CFAP92: variants seen among roughly 807,000 people sequenced by gnomAD.
CFAP92 encodes uncharacterized protein CFAP92.
A neutral mutation model predicts 106.3 loss-of-function variants in CFAP92; 86 were observed. The observed-to-expected ratio is 0.81, with a 90% CI of 0.68 to 0.97. The LOEUF (loss-of-function observed/expected upper bound fraction) is 0.97, where lower values mean the gene tolerates loss of function less well. CFAP92 is among the 50% of genes least tolerant of loss of function. The pLI is 0.00. For missense variants in CFAP92, 1,204 were observed against 1,283.8 expected, an observed-to-expected ratio of 0.94 and a Z score of 0.95; for synonymous variants, 477 against 506.4, an observed-to-expected ratio of 0.94 and a Z score of 0.78.
chr3:128,924,167 C>A (rs931816775), intron 12 of CFAP92, among the ~76,000 whole-genome samples: 7 of 152,094 alleles, frequency 4.6e-5, no homozygotes, highest in Non-Finnish European at 1.0e-4. Context: ...GCAGGACTTG[C>A]ATGTCTGATA....
At position 128,965,638 on chromosome 3, in the gene CFAP92, A is replaced by C. The variant is rs889310921; in HGVS notation, c.1226T>G (p.Leu409Arg). The change falls in exon 9 of 16, where the codon CTT (leucine) becomes CGT (arginine). Residue 409 changes from leucine (L) to arginine (R), a missense_variant. Leu to Arg is a moderately radical substitution (Grantham distance 102). Coordinates refer to ENST00000645291, the MANE Select transcript of CFAP92 (RefSeq NM_001394090.1). ...SEKSANILDC[L>R]LTLKTEVPIM... is the part of the protein sequence containing the mutation. ...CGGAACTTCTGTTTTTAAAGTCAAA[A>C]GGCAATCTAAAATGTTGGCAGACTT... 3 of 398,922 alleles carry C rather than the reference A, an allele frequency of 7.5e-6. No individual in the cohort carries two copies. Among genetic ancestry groups the C allele is most frequent in the Non-Finnish European group, 1.3e-5 (3 of 226,036 alleles). The allele number at this position is 398,922 out of a possible 1,614,324, so 24.7% of individuals were successfully genotyped here.
the CFAP92 span, among the ~76,000 whole-genome samples, chr3:129,014,765 C>G: frequency 1.3e-5 from 2 of 152,194 alleles, no homozygotes; most frequent in African/African-American, 4.8e-5. This position sits in a 1 kb window ranked among gnomAD's most constrained non-coding sequence, Gnocchi z 4.3. Flanking sequence ...ATAGCAAAAT[C>G]ACAGGGCTGG....
At chr3:129,003,723 C>A, upstream of CFAP92, 1 of 1,259,606 alleles carries the variant, frequency 7.9e-7, no homozygotes, top group South Asian at 2.0e-5. Context: ...GGGCCGCCGT[C>A]GTGGCGGGCG....
At position 128,964,476 on chromosome 3, in the gene CFAP92, G is replaced by A. The variant is rs544493029; in HGVS notation, c.1353+1035C>T. 1.6e-4 allele frequency among the ~76,000 whole-genome samples: 25 copies of A among 152,198 alleles called. No homozygotes were observed. In the East Asian group the frequency reaches 2.9e-3, roughly 18 times the overall value. Reference sequence around the variant, plus strand: ...GTGCCCTGCTCTTGTTTACACTGCCGGTTTACACTGTTTCTCCAAGCCATC... The same window carrying A: ...GTGCCCTGCTCTTGTTTACACTGCCAGTTTACACTGTTTCTCCAAGCCATC... On this transcript the variant is annotated intron_variant, in intron 9 of 15. Coordinates refer to ENST00000645291, the MANE Select transcript of CFAP92 (RefSeq NM_001394090.1).
At chr3:128,953,152 G>T (rs1940977754) in intron 9 of CFAP92, among the ~76,000 whole-genome samples, 1 of 152,074 alleles carries the variant, frequency 6.6e-6, no homozygotes, top group Admixed American at 6.6e-5. Flanking sequence ...TCAATAGATG[G>T]ACTCAATGCA....
chr3:128,984,951 T>G (rs1366327483), intron 4 of CFAP92, among the ~76,000 whole-genome samples: 2 of 152,206 alleles, frequency 1.3e-5, no homozygotes, highest in Non-Finnish European at 2.9e-5. Flanking sequence ...TAAGACAACA[T>G]GTACACTAGA....
the CFAP92 span, among the ~76,000 whole-genome samples, chr3:129,016,601 C>T: frequency 5.3e-5 from 8 of 152,112 alleles, no homozygotes; most frequent in African/African-American, 1.2e-4. Context: ...AGCCAGCCCC[C>T]GTGATCACAC....
At chr3:128,994,083 A>G (rs1324545630), upstream of CFAP92, 4 of 985,616 alleles carry the variant, frequency 4.1e-6, no homozygotes, top group Non-Finnish European at 2.4e-6. Context: ...GACTGAGAGG[A>G]GCGTCCGCCG....
At chr3:129,002,624 A>G in exon 1 of CFAP92, 1 of 450,742 alleles carries the variant, frequency 2.2e-6, no homozygotes, top group Non-Finnish European at 3.8e-6. Context: ...CCTTTAACCT[A>G]GGAATTGCAC....
chr3:128,912,675 C>G (rs116106966), intron 15 of CFAP92: 1 of 1,345,624 alleles, frequency 7.4e-7, no homozygotes. Flanking sequence ...GACTGTTACT[C>G]TTTTTTCAGA....
chr3:128,912,730 C>A, intron 15 of CFAP92: 1 of 947,266 alleles, frequency 1.1e-6, no homozygotes, highest in Non-Finnish European at 1.7e-6. Flanking sequence ...TCCCCGTCTG[C>A]ACCTGAAGGG....
In CFAP92 at chr3:128,975,864, T is replaced by C. The variant is rs1943121816; in HGVS notation, c.936A>G (p.Gly312=). The change falls in exon 7 of 16, where the codon GGA becomes GGG. Residue 312 remains glycine (G), a synonymous_variant. Transcript: ENST00000645291. ...ATTCCTTGATCTCCATCATGCTTGC[T>C]CCTGCCAAAGAAATGGTTGGTGTTC... The part of the protein sequence containing the change: ...VSRTPTISLA[G]ASMMEIKELI... 7 of 1,610,612 alleles carry C rather than the reference T, an allele frequency of 4.3e-6. No homozygotes were observed. Among genetic ancestry groups the C allele is most frequent in the Non-Finnish European group, 5.9e-6 (7 of 1,178,484 alleles).
rs1940114089 is a variant in CFAP92 at position 128,945,448 on chromosome 3, C to T, written c.1881G>A (p.Glu627=). 1.3e-6 allele frequency: 2 copies of T among 1,536,142 alleles called. No homozygotes were observed. Among genetic ancestry groups the T allele is most frequent in the Non-Finnish European group, 1.7e-6 (2 of 1,146,906 alleles). The part of the protein sequence containing the change: ...HGPMPRGNYL[E]ADSQLKLRVD... ...CTCGCAACTTGAGCTGGGAGTCAGCCTCTAGGTAGTTGCCCCTGGGCATTG... is the reference window on the plus strand; with the variant it reads ...CTCGCAACTTGAGCTGGGAGTCAGCTTCTAGGTAGTTGCCCCTGGGCATTG... The change falls in exon 10 of 16, where the codon GAG becomes GAA. Residue 627 remains glutamate, a synonymous_variant. Coordinates refer to ENST00000645291, the MANE Select transcript of CFAP92 (RefSeq NM_001394090.1).
At chr3:128,936,957 GTTCAAGAACTCTTTCTCCA>G (rs1939084174) in intron 10 of CFAP92, among the ~76,000 whole-genome samples, 1 of 152,074 alleles carries the variant, frequency 6.6e-6, no homozygotes, top group Admixed American at 6.6e-5. Flanking sequence ...CTGGTTCAAG[GTTCAAGAACTCTTTCTCCA>G]TTCTGGGGTC....
At chr3:128,953,123 A>G (rs1241141224) in intron 9 of CFAP92, among the ~76,000 whole-genome samples, 1 of 152,166 alleles carries the variant, frequency 6.6e-6, no homozygotes, top group Non-Finnish European at 1.5e-5. Context: ...GAAAAATACA[A>G]TAACTGCAAT....
In CFAP92 at chr3:128,990,979, T is replaced by A. The variant is rs114048462; in HGVS notation, c.263-2061A>T. Reference sequence around the variant, plus strand: ...ACTCAGGTATTGAAGGAAAAAAAAATTAAACTAGAATTTTATGTAGAGCCG... The same window carrying A: ...ACTCAGGTATTGAAGGAAAAAAAAAATAAACTAGAATTTTATGTAGAGCCG... On this transcript the variant is annotated intron_variant, in intron 2 of 15. Transcript: ENST00000645291. Among the ~76,000 whole-genome samples, 1,377 of 152,106 alleles carry A rather than the reference T, an allele frequency of 9.1e-3. 21 individuals are homozygous for A. The highest frequency in any genetic ancestry group is 0.031 in the African/African-American group (1,301 of 41,496).
At chr3:128,937,748 C>T (rs188688538) in intron 10 of CFAP92, among the ~76,000 whole-genome samples, 1 of 152,176 alleles carries the variant, frequency 6.6e-6, no homozygotes, top group Admixed American at 6.6e-5. Flanking sequence ...AACCTCTCCA[C>T]TATTTTTGCA....
the CFAP92 span, among the ~76,000 whole-genome samples, chr3:129,009,424 A>G: frequency 1.3e-5 from 2 of 152,164 alleles, no homozygotes; most frequent in African/African-American, 4.8e-5. Context: ...ATATCCCCAA[A>G]GCTCAGTCCA....
chr3:128,988,727 C>A lies in CFAP92; in HGVS notation c.453+1G>T, dbSNP rs1338041313. 6.2e-7 allele frequency: 1 copy of A among 1,613,652 alleles called. No individual in the cohort carries two copies. The highest frequency in any genetic ancestry group is 8.5e-7 in the Non-Finnish European group (1 of 1,179,802). ...AAGGCCACACACACTCACACACGCA[C>A]CTTTACTCCTGACTCCAGGAATACT... On this transcript the variant is annotated splice_donor_variant, in intron 3 of 15. Coordinates refer to ENST00000645291, the MANE Select transcript of CFAP92 (RefSeq NM_001394090.1). LOFTEE classifies it high-confidence loss of function.
Sources: allele counts gnomAD v4.1 joint callset (sites outside exome capture counted in the v4.1 genomes callset), GRCh38; gene constraint gnomAD v4.1.1; non-coding constraint Gnocchi (gnomAD v3.1); transcripts MANE v1.5; gene names NCBI Gene and HGNC (gene_info 2026-07-23, HGNC 2026-07-21).